The following MARF1 variants were observed in gnomAD, a reference collection of about 807,000 sequenced individuals.
MARF1 encodes limkain-b1.
A neutral mutation model predicts 168.2 loss-of-function variants in MARF1; 24 were observed. The observed-to-expected ratio is 0.14, with a 90% confidence interval of 0.10 to 0.20. The LOEUF (loss-of-function observed/expected upper bound fraction) is 0.20, where lower values mean the gene tolerates loss of function less well. Among genes scored for constraint, MARF1 ranks in the 10% least tolerant of loss-of-function variants. The pLI, the probability that MARF1 is intolerant of heterozygous loss-of-function variation, is 1.00. For synonymous variants in MARF1, 868 were observed against 822.4 expected (o/e 1.06, Z -0.95); for missense variants, 1,744 against 2,143.6 (o/e 0.81, Z 3.68).
Position 15,630,413 on chromosome 16 carries a change from T to C in MARF1, c.1443A>G (p.Ala481=). The C allele has an allele frequency of 6.2e-7, 1 of 1,614,142 alleles. No homozygotes were observed. The highest frequency in any genetic ancestry group is 8.5e-7 in the Non-Finnish European group (1 of 1,179,992). Residue 481 remains alanine, a synonymous_variant, in exon 7 of 27, where the codon GCA becomes GCG. Coordinates refer to ENST00000396368, the MANE Select transcript of MARF1 (RefSeq NM_014647.4). Reference sequence around the variant, plus strand: ...TCAGCTCGTTAGCATGATGCAGCAGTGCTTCTGAGGCCTGGTTTTTATGGA... The same window carrying C: ...TCAGCTCGTTAGCATGATGCAGCAGCGCTTCTGAGGCCTGGTTTTTATGGA... The part of the protein sequence containing the change: ...ILVHKNQASE[A]LLHHANELIR...
chr16:15,629,792 A>G (rs1464941065), intron 7 of MARF1, among the ~76,000 whole-genome samples: 1 of 152,238 alleles, frequency 6.6e-6, no homozygotes, highest in East Asian at 1.9e-4. Context: ...TATATGGCAT[A>G]AACAGGCTAC....
chr16:15,628,260 C>T lies in MARF1; in HGVS notation c.1524+2072G>A, dbSNP rs528660726. Among the ~76,000 whole-genome samples the T allele has an allele frequency of 4.6e-5, 7 of 152,034 alleles. No individual in the cohort carries two copies. The East Asian group carries it at 9.6e-4, about 21-fold the overall frequency. ...TATATGTGACACATTTTTTTTTAAA[C>T]GTACATTTTTTAAATCTGGAGGGCA... On this transcript the variant is annotated intron_variant, in intron 7 of 26. Coordinates refer to ENST00000396368, the MANE Select transcript of MARF1 (RefSeq NM_014647.4).
chr16:15,597,268 A>G (rs372315505), intron 26 of MARF1, among the ~76,000 whole-genome samples: 1 of 152,156 alleles, frequency 6.6e-6, no homozygotes, highest in African/African-American at 2.4e-5. Flanking sequence ...GATATTAAGG[A>G]CCCATAAAGC....
intron 15 of MARF1, 118 bp downstream of exon 15, chr16:15,616,934 C>G: frequency 7.2e-7 from 1 of 1,393,872 alleles, no homozygotes; most frequent in Non-Finnish European, 9.8e-7. Context: ...AGGCTAAACA[C>G]ATGAGGATGA....
At chr16:15,597,358 G>T (rs1452947772) in intron 26 of MARF1, among the ~76,000 whole-genome samples, 1 of 152,208 alleles carries the variant, frequency 6.6e-6, no homozygotes, top group African/African-American at 2.4e-5. Flanking sequence ...GTGTCAGGGA[G>T]CTCCTGGCCT....
At position 15,611,021 on chromosome 16, in the gene MARF1, G is replaced by A. The variant is rs373459301; in HGVS notation, c.3705C>T (p.Cys1235=). 2 of 1,613,628 alleles carry A rather than the reference G, an allele frequency of 1.2e-6. No homozygotes were observed. The highest frequency in any genetic ancestry group is 2.7e-5 in the African/African-American group (2 of 75,018). ...CCATTTCATTATCTTGTTGGGACAA[G>A]CAGATGGTTGTGTCTGGAATCTCTG... is the stretch of plus-strand genomic sequence containing the variant. ...IVSEIPDTTI[C]LSQQDNEMVI... Residue 1235 remains cysteine, a synonymous_variant, in exon 19 of 27, where the codon TGC becomes TGT. Transcript: ENST00000396368.
intron 1 of MARF1, among the ~76,000 whole-genome samples, chr16:15,640,891 G>A (rs978673215): frequency 6.6e-6 from 1 of 152,028 alleles, no homozygotes; most frequent in African/African-American, 2.4e-5. Flanking sequence ...TGGCTCTTTT[G>A]TCAGCCTGGG....
Position 15,608,395 on chromosome 16 carries a change from G to A in MARF1, c.4078C>T (p.Leu1360Phe), listed in dbSNP as rs763485113. 2 of 1,613,820 alleles carry A rather than the reference G, an allele frequency of 1.2e-6. No homozygotes were observed. Among genetic ancestry groups the A allele is most frequent in the Non-Finnish European group, 1.7e-6 (2 of 1,179,820 alleles). ...AAAGTTTTAGCATATTCTGTAAGGAGATCTGTCATCATAAGGCAGTTATCT... is the reference window on the plus strand; with the variant it reads ...AAAGTTTTAGCATATTCTGTAAGGAAATCTGTCATCATAAGGCAGTTATCT... Reference protein sequence around the residue: ...QKDNCLMMTDLLTEYAKTFGY... With the variant: ...QKDNCLMMTDFLTEYAKTFGY... Residue 1360 changes from leucine (L) to phenylalanine (F), a missense_variant, in exon 21 of 27, where the codon CTC becomes TTC. Leu to Phe is a conservative substitution (Grantham distance 22, BLOSUM62 0). Around this residue, in one of 7 missense-constraint regions of MARF1, gnomAD observed 543 missense variants for 742.1 expected, o/e 0.73. Transcript: ENST00000396368.
Position 15,625,520 on chromosome 16 carries a change from A to T in MARF1, c.1805T>A (p.Val602Glu), listed in dbSNP as rs1408634253. The change falls in exon 8 of 27, where the codon GTG becomes GAG. Residue 602 changes from valine to glutamate, a missense_variant. This residue lies in a region of MARF1 where 270 missense variants were observed against 260.6 expected (regional missense o/e 1.04). Coordinates refer to ENST00000396368, the MANE Select transcript of MARF1 (RefSeq NM_014647.4). ...ATTCTTAAGTTTTTTGGGAGACTTC[A>T]CTTTATCAGCAATTGCATTTGAACT... Reference protein sequence around the residue: ...TKSSNAIADKVKSPKKLKNPK... With the variant: ...TKSSNAIADKEKSPKKLKNPK... 4 of 1,614,092 alleles carry T rather than the reference A, an allele frequency of 2.5e-6. No individual in the cohort carries two copies. The African/African-American group carries it at 5.3e-5, about 22-fold the overall frequency.
intron 13 of MARF1, among the ~76,000 whole-genome samples, chr16:15,620,155 ACT>A (rs2034351660): frequency 6.6e-6 from 1 of 152,114 alleles, no homozygotes; most frequent in Non-Finnish European, 1.5e-5. Context: ...ACAGAGCGAG[ACT>A]CTGTCTCCAA....
Position 15,639,178 on chromosome 16 carries a change from T to G in MARF1, c.56A>C (p.Gln19Pro), listed in dbSNP as rs2035786811. 6.2e-7 allele frequency: 1 copy of G among 1,614,110 alleles called. No individual in the cohort carries two copies. Among genetic ancestry groups the G allele is most frequent in the African/African-American group, 1.3e-5 (1 of 74,954 alleles). ...NSCSRTRGWL[Q>P]QDNDAKPWLW... is the part of the protein sequence containing the mutation. Reference sequence around the variant, plus strand: ...CCATGGCTTAGCATCATTATCTTGTTGAAGCCATCCACGTGTTCTACTGCA... The same window carrying G: ...CCATGGCTTAGCATCATTATCTTGTGGAAGCCATCCACGTGTTCTACTGCA... The change falls in exon 2 of 27, where the codon CAA becomes CCA. Residue 19 changes from glutamine (Q) to proline (P), a missense_variant. Gln to Pro is a moderately conservative substitution (Grantham distance 76). Transcript: ENST00000396368.
chr16:15,610,750 TC>T (rs1045649289), intron 19 of MARF1, among the ~76,000 whole-genome samples: 1 of 152,146 alleles, frequency 6.6e-6, no homozygotes, highest in African/African-American at 2.4e-5. Flanking sequence ...TGCCCCTTTT[TC>T]CCCTTAGAGT....
intron 26 of MARF1, among the ~76,000 whole-genome samples, chr16:15,597,300 C>T (rs951911382): frequency 6.6e-6 from 1 of 152,228 alleles, no homozygotes; most frequent in Admixed American, 6.5e-5. Context: ...TAGAGACTTC[C>T]TGAGGCGGGA....
intron 1 of MARF1, among the ~76,000 whole-genome samples, chr16:15,639,963 A>G (rs529949753): frequency 5.9e-5 from 9 of 152,278 alleles, no homozygotes; most frequent in African/African-American, 9.6e-5. Context: ...AGAGGTAGCC[A>G]TATCTTGGAA....
chr16:15,611,532 G>T, intron 18 of MARF1, 60 bp downstream of exon 18: 1 of 1,454,714 alleles, frequency 6.9e-7, no homozygotes, highest in Non-Finnish European at 9.5e-7. Flanking sequence ...TTTAGAGTTT[G>T]GCAGAAGATA....
chr16:15,617,784 GTTTC>G (rs1234830026), intron 13 of MARF1, among the ~76,000 whole-genome samples: 2 of 151,900 alleles, frequency 1.3e-5, no homozygotes, highest in Admixed American at 6.6e-5. Context: ...CCCCTGCCCA[GTTTC>G]TTTAAGTGAC....
At chr16:15,642,467 G>A (rs912674402) in intron 1 of MARF1, 1 of 152,164 alleles carries the variant, frequency 6.6e-6, no homozygotes, top group Non-Finnish European at 1.5e-5. Flanking sequence ...ACCGCTCAGA[G>A]AAGTCCAAAA....
chr16:15,615,524 C>T (rs575430448), intron 16 of MARF1, among the ~76,000 whole-genome samples: 47 of 152,238 alleles, frequency 3.1e-4, no homozygotes, highest in African/African-American at 1.1e-3. Context: ...ACTCGGGAGG[C>T]TGAGGCAGGA....
chr16:15,601,599 G>GCTTCCCTCAGGCACATC, intron 23 of MARF1: 1 of 299,132 alleles, frequency 3.3e-6, no homozygotes, highest in Non-Finnish European at 6.4e-6. Context: ...CTTGTCACGT[G>GCTTCCCTCAGGCACATC]CTTCCCTCAG....
Sources: gnomAD v4.1 joint callset for allele counts (sites outside exome capture counted in the v4.1 genomes callset) on GRCh38, gnomAD v4.1.1 for gene constraint, gnomAD v4.1.1 regional missense constraint, MANE v1.5 for transcripts, NCBI Gene and HGNC (gene_info 2026-07-23, HGNC 2026-07-21) for gene names.